Variants in IL34 observed in about 807,000 individuals in gnomAD.
IL34 encodes interleukin-34.
Under a neutral mutation model 25.3 loss-of-function variants are expected in IL34, and 17 were observed. The observed-to-expected ratio is 0.67, with a 90% CI of 0.46 to 1.01. IL34 has a LOEUF of 1.01. Ranked by LOEUF, IL34 falls within the 50% of genes least tolerant of loss-of-function variation. The pLI, the probability that IL34 is intolerant of heterozygous loss-of-function variation, is 0.00. For synonymous variants in IL34, 174 were observed against 140.9 expected, an observed-to-expected ratio of 1.23 and a Z score of -1.66; for missense variants, 368 against 312.9, an observed-to-expected ratio of 1.18 and a Z score of -1.33.
At chr16:70,651,470 A>C (rs555614288) in intron 1 of IL34, among the ~76,000 whole-genome samples, 3 of 152,194 alleles carry the variant, frequency 2.0e-5, no homozygotes, top group Non-Finnish European at 4.4e-5. Flanking sequence ...ACTTAGCAAA[A>C]AATGTGGGGC....
chr16:70,655,595 T>C (rs1410395116), intron 2 of IL34, among the ~76,000 whole-genome samples: 2 of 152,118 alleles, frequency 1.3e-5, no homozygotes, highest in East Asian at 3.8e-4. Context: ...GTTCACCATG[T>C]TGCCCAGGGT....
intron 1 of IL34, among the ~76,000 whole-genome samples, chr16:70,609,645 AG>A (rs1194819438): frequency 1.3e-5 from 2 of 152,290 alleles, no homozygotes; most frequent in African/African-American, 4.8e-5. Flanking sequence ...AGGTGCACTG[AG>A]GCAGAGACTG....
intron 1 of IL34, among the ~76,000 whole-genome samples, chr16:70,605,863 G>C (rs575018095): frequency 6.6e-6 from 1 of 151,748 alleles, no homozygotes; most frequent in African/African-American, 2.4e-5. Context: ...GTAGAGACGG[G>C]GTTTCATCAT....
intron 4 of IL34, chr16:70,657,361 G>C: frequency 2.0e-6 from 1 of 502,510 alleles, no homozygotes; most frequent in Non-Finnish European, 3.5e-6. Flanking sequence ...CTGAGACTCT[G>C]TTCTAGGCTC....
intron 1 of IL34, among the ~76,000 whole-genome samples, chr16:70,638,648 G>A (rs1239918793): frequency 1.3e-5 from 2 of 151,968 alleles, no homozygotes; most frequent in South Asian, 2.1e-4. Flanking sequence ...ACCCGGGCTG[G>A]TCTTTCTGTG....
chr16:70,659,470 T>G, intron 4 of IL34, 148 bp from the exon 5 acceptor site: 222 of 1,005,340 alleles, frequency 2.2e-4, no homozygotes, highest in Non-Finnish European at 2.8e-4. Context: ...AAGAAGATGG[T>G]GAGAAATAGC....
At chr16:70,650,040 C>T (rs2052039849) in intron 1 of IL34, among the ~76,000 whole-genome samples, 1 of 152,174 alleles carries the variant, frequency 6.6e-6, no homozygotes, top group African/African-American at 2.4e-5. Flanking sequence ...CTCAGGTGAT[C>T]CGCCCACCTC....
chr16:70,632,364 G>A (rs552683849), intron 1 of IL34, among the ~76,000 whole-genome samples: 1 of 152,280 alleles, frequency 6.6e-6, no homozygotes, highest in South Asian at 2.1e-4. Flanking sequence ...TCAAGGTCTA[G>A]GCTTCTACCA....
At chr16:70,628,420 G>T (rs8061329) in intron 1 of IL34, among the ~76,000 whole-genome samples, 39,935 of 151,444 alleles carry the variant, frequency 0.26, 5,505 homozygotes, top group South Asian at 0.44. Context: ...TACATTTTTT[G>T]TTGTTATGTA....
intron 1 of IL34, among the ~76,000 whole-genome samples, chr16:70,649,187 C>T (rs1259828217): frequency 2.0e-5 from 3 of 152,330 alleles, no homozygotes; most frequent in East Asian, 3.9e-4. Flanking sequence ...AAGAAAACAG[C>T]TTTACTGAAG....
At chr16:70,651,060 A>C (rs2052065781) in intron 1 of IL34, among the ~76,000 whole-genome samples, 1 of 152,088 alleles carries the variant, frequency 6.6e-6, no homozygotes. Flanking sequence ...AATACAAAAA[A>C]AATTAGCCGG....
At chr16:70,583,546 A>T (rs2050658787) in intron 1 of IL34, among the ~76,000 whole-genome samples, 1 of 152,130 alleles carries the variant, frequency 6.6e-6, no homozygotes, top group Admixed American at 6.5e-5. Context: ...CTCAAAATAA[A>T]TAACTGCAAA....
chr16:70,633,825 A>G (rs538127569), intron 1 of IL34, among the ~76,000 whole-genome samples: 6 of 149,672 alleles, frequency 4.0e-5, no homozygotes, highest in Non-Finnish European at 7.4e-5. Context: ...CAGTTTCTCA[A>G]TCATCACGTG....
intron 1 of IL34, among the ~76,000 whole-genome samples, chr16:70,595,064 C>T (rs377766412): frequency 6.6e-6 from 1 of 151,734 alleles, no homozygotes; most frequent in East Asian, 1.9e-4. Flanking sequence ...AAGCAATTCT[C>T]CTGCCTCAGG....
chr16:70,600,947 G>T (rs1014341234), intron 1 of IL34, among the ~76,000 whole-genome samples: 1 of 136,232 alleles, frequency 7.3e-6, no homozygotes. Flanking sequence ...CTGCTGGGAG[G>T]AGTAGGGGAT....
chr16:70,627,877 A>G (rs1052035544), intron 1 of IL34, among the ~76,000 whole-genome samples: 1 of 152,106 alleles, frequency 6.6e-6, no homozygotes, highest in African/African-American at 2.4e-5. Flanking sequence ...TGTGAGGTTT[A>G]TTTATCCACA....
intron 1 of IL34, among the ~76,000 whole-genome samples, chr16:70,594,450 T>C (rs1429844520): frequency 6.6e-6 from 1 of 152,120 alleles, no homozygotes; most frequent in Non-Finnish European, 1.5e-5. Context: ...TAGAGAGAGA[T>C]TGGTTTATAG....
chr16:70,592,829 A>G (rs1167477816), intron 1 of IL34, among the ~76,000 whole-genome samples: 1 of 151,816 alleles, frequency 6.6e-6, no homozygotes, highest in Non-Finnish European at 1.5e-5. Context: ...TAATTTTTGT[A>G]TTTTTAGTAG....
intron 1 of IL34, among the ~76,000 whole-genome samples, chr16:70,631,943 T>A (rs2051528110): frequency 6.6e-6 from 1 of 151,324 alleles, no homozygotes; most frequent in Non-Finnish European, 1.5e-5. Context: ...AAAATTATAA[T>A]ACAAAAAATT....
Sources: gnomAD v4.1 joint callset for allele counts (sites outside exome capture counted in the v4.1 genomes callset) on GRCh38, gnomAD v4.1.1 for gene constraint, MANE v1.5 for transcripts, NCBI Gene and HGNC (gene_info 2026-07-23, HGNC 2026-07-21) for gene names.